PDE1C: variants seen among roughly 807,000 people sequenced by gnomAD.
PDE1C encodes dual specificity calcium/calmodulin-dependent 3',5'-cyclic nucleotide phosphodiesterase 1C.
Under a neutral mutation model 93.1 loss-of-function variants are expected in PDE1C, and 62 were observed. That is an observed-to-expected ratio of 0.67 (90% CI 0.54 to 0.82). PDE1C has a LOEUF of 0.82. Ranked by LOEUF, PDE1C falls within the 40% of genes least tolerant of loss-of-function variation. The pLI is 0.00. For missense variants in PDE1C, 742 were observed against 884.6 expected (o/e 0.84, Z 2.04); for synonymous variants, 325 against 310.1 (o/e 1.05, Z -0.50).
chr7:31,678,808 G>T, the PDE1C span, among the ~76,000 whole-genome samples: 7 of 152,302 alleles, frequency 4.6e-5, no homozygotes, highest in South Asian at 1.5e-3. Context: ...TGTGAAATAA[G>T]AGTGTGTACA....
the PDE1C span, among the ~76,000 whole-genome samples, chr7:31,740,826 T>C: frequency 2.0e-5 from 3 of 152,158 alleles, no homozygotes; most frequent in Non-Finnish European, 1.5e-5. Context: ...CTCAGCACTT[T>C]GGGAGGCTGA....
intron 1 of PDE1C, among the ~76,000 whole-genome samples, chr7:32,351,999 G>T (rs1783960017): frequency 3.1e-4 from 1 of 3,238 alleles, no homozygotes; most frequent in Non-Finnish European, 5.3e-4. Flanking sequence ...GGTTACTGTA[G>T]CCTTGTAGTA....
intron 1 of PDE1C, among the ~76,000 whole-genome samples, chr7:32,343,065 G>T (rs1384370405): frequency 2.0e-5 from 3 of 152,182 alleles, no homozygotes; most frequent in Non-Finnish European, 4.4e-5. Context: ...GTTGCCAGTT[G>T]CTATTCAGCA....
rs1024454716 is a variant in PDE1C at position 31,892,521 on chromosome 7, C to T, written c.129-11661G>A. ...AAGCACGATTTGCATCTTCCCTCTC[C>T]TTTTTCAGTTCATTCTCAGAAGTTT... On this transcript the variant is annotated intron_variant, in intron 2 of 17. Coordinates refer to ENST00000396191, the MANE Select transcript of PDE1C (RefSeq NM_001191057.4). Among the ~76,000 whole-genome samples, 5 of 152,308 alleles carry T rather than the reference C, an allele frequency of 3.3e-5. No individual in the cohort carries two copies. The East Asian group carries it at 5.8e-4, about 18-fold the overall frequency.
chr7:31,954,280 G>A (rs954635523), intron 2 of PDE1C, among the ~76,000 whole-genome samples: 11 of 152,092 alleles, frequency 7.2e-5, no homozygotes, highest in African/African-American at 2.2e-4. Flanking sequence ...CCCATTCCCC[G>A]GCAGAAGGCA....
intron 1 of PDE1C, among the ~76,000 whole-genome samples, chr7:32,347,195 T>C (rs975063385): frequency 6.6e-6 from 1 of 152,162 alleles, no homozygotes; most frequent in African/African-American, 2.4e-5. Flanking sequence ...CCCCTCAGTC[T>C]ACACCCAAGG....
At chr7:32,368,575 T>G (rs530538733) in intron 1 of PDE1C, among the ~76,000 whole-genome samples, 2 of 152,198 alleles carry the variant, frequency 1.3e-5, no homozygotes, top group East Asian at 3.8e-4. Flanking sequence ...ATGACCATAG[T>G]ACTCAAAGCA....
chr7:31,797,066 G>A (rs139572426), intron 16 of PDE1C, among the ~76,000 whole-genome samples: 70 of 150,236 alleles, frequency 4.7e-4, no homozygotes, highest in African/African-American at 1.5e-3. Flanking sequence ...GAAAACACCT[G>A]CTAAACCATG....
At position 31,751,813 on chromosome 7, in the gene PDE1C, T is replaced by A; in HGVS notation, c.*1571A>T. The A allele has an allele frequency of 6.6e-6, 1 of 152,284 alleles. No individual in the cohort carries two copies. Among genetic ancestry groups the A allele is most frequent in the Admixed American group, 6.5e-5 (1 of 15,294 alleles). The allele number at this position is 152,284 out of a possible 1,614,324, so 9.4% of individuals were successfully genotyped here. A position where few individuals can be genotyped will look rare whatever the true frequency, so the allele number is the denominator to read the frequency against. ...AATTCCGGAACTTGCTCAACTTGAATAACTGCAGTTTATTGGAAATGAACT... is the reference window on the plus strand; with the variant it reads ...AATTCCGGAACTTGCTCAACTTGAAAAACTGCAGTTTATTGGAAATGAACT... On this transcript the variant is annotated 3_prime_UTR_variant, in exon 18 of 18. Coordinates refer to ENST00000396191, the MANE Select transcript of PDE1C (RefSeq NM_001191057.4).
At chr7:32,295,474 A>G (rs1335919950) in intron 1 of PDE1C, among the ~76,000 whole-genome samples, 1 of 152,216 alleles carries the variant, frequency 6.6e-6, no homozygotes, top group Admixed American at 6.5e-5. Flanking sequence ...CTGTCGAAAC[A>G]TTGCTGGTGG....
chr7:32,093,480 C>G (rs1404458390), intron 3 of PDE1C, among the ~76,000 whole-genome samples: 1 of 152,220 alleles, frequency 6.6e-6, no homozygotes, highest in East Asian at 1.9e-4. Flanking sequence ...GGCCCAGTAT[C>G]TTGTTGAGGG....
At chr7:32,082,925 A>G (rs1208058957) in intron 3 of PDE1C, among the ~76,000 whole-genome samples, 1 of 150,992 alleles carries the variant, frequency 6.6e-6, no homozygotes, top group African/African-American at 2.4e-5. Flanking sequence ...GAAAAACTGG[A>G]AACTCTAAAA....
chr7:31,880,570 C>T (rs1006569175), intron 3 of PDE1C, among the ~76,000 whole-genome samples, 177 bp downstream of exon 3: 9 of 152,060 alleles, frequency 5.9e-5, no homozygotes, highest in Non-Finnish European at 1.3e-4. Context: ...ATAGATGAGG[C>T]GGTACAGAGA....
At chr7:31,844,372 A>G (rs1158864063) in intron 9 of PDE1C, among the ~76,000 whole-genome samples, 2 of 151,756 alleles carry the variant, frequency 1.3e-5, no homozygotes, top group African/African-American at 4.8e-5. Context: ...GTTTTCTATT[A>G]TCTGAAAATA....
At chr7:32,194,800 T>G (rs1240958363) in intron 2 of PDE1C, among the ~76,000 whole-genome samples, 1 of 151,556 alleles carries the variant, frequency 6.6e-6, no homozygotes, top group Non-Finnish European at 1.5e-5. Context: ...GGCTTACATC[T>G]TCTTTTATTT....
intron 6 of PDE1C, among the ~76,000 whole-genome samples, chr7:31,869,773 G>C (rs1048553514): frequency 2.6e-5 from 4 of 152,054 alleles, no homozygotes; most frequent in Admixed American, 2.6e-4. Context: ...GGACCTAATA[G>C]ACACTTACAG....
At chr7:32,398,855 G>A (rs565406454) in intron 1 of PDE1C, among the ~76,000 whole-genome samples, 1 of 152,008 alleles carries the variant, frequency 6.6e-6, no homozygotes, top group African/African-American at 2.4e-5. Context: ...AGACCATAAA[G>A]GTCAGCCTCC....
At chr7:32,265,275 C>G (rs1436326316) in intron 1 of PDE1C, among the ~76,000 whole-genome samples, 1 of 152,180 alleles carries the variant, frequency 6.6e-6, no homozygotes. Flanking sequence ...TTGAGTGAAG[C>G]TGCTCTATCC....
intron 2 of PDE1C, among the ~76,000 whole-genome samples, chr7:31,977,417 G>A (rs1272178030): frequency 1.3e-5 from 2 of 152,114 alleles, no homozygotes; most frequent in African/African-American, 2.4e-5. Context: ...GTGTAATTCT[G>A]TTATAGCAAT....
Sources: gnomAD v4.1 joint callset for allele counts (sites outside exome capture counted in the v4.1 genomes callset) on GRCh38, gnomAD v4.1.1 for gene constraint, MANE v1.5 for transcripts, NCBI Gene and HGNC (gene_info 2026-07-23, HGNC 2026-07-21) for gene names.